ZSWIM7: variants seen among roughly 807,000 people sequenced by gnomAD.
ZSWIM7 encodes zinc finger SWIM domain-containing protein 7.
Under a neutral mutation model 21.1 loss-of-function variants are expected in ZSWIM7, and 22 were observed. The observed-to-expected ratio is 1.04, with a 90% CI of 0.74 to 1.49. The LOEUF (loss-of-function observed/expected upper bound fraction) is 1.49, where lower values mean the gene tolerates loss of function less well. Ranked by LOEUF, ZSWIM7 falls within the 40% of genes most tolerant of loss-of-function variation. The probability of loss-of-function intolerance (pLI) is 0.00; values close to 1 mark genes in which losing one functional copy is unlikely to be tolerated. For missense variants in ZSWIM7, 193 were observed against 168.0 expected (o/e 1.15, Z -0.82); for synonymous variants, 67 against 66.5 (o/e 1.01, Z -0.04).
At chr17:15,995,575 TAA>T (rs550832963) in intron 1 of ZSWIM7, among the ~76,000 whole-genome samples, 16 of 100,228 alleles carry the variant, frequency 1.6e-4, no homozygotes, top group East Asian at 5.5e-4. Context: ...CCCTGTCTCT[TAA>T]AAAAAAAAAA....
At chr17:15,985,132 C>T (rs1365295095) in intron 3 of ZSWIM7, among the ~76,000 whole-genome samples, 2 of 151,956 alleles carry the variant, frequency 1.3e-5, no homozygotes, top group African/African-American at 4.8e-5. Context: ...GGTGAAACCC[C>T]ATCTCTACTA....
chr17:15,981,224 CAG>C (rs1970351511), intron 3 of ZSWIM7, 80 bp from the exon 4 acceptor site: 8 of 1,002,208 alleles, frequency 8.0e-6, no homozygotes, highest in Middle Eastern at 2.2e-4. Context: ...TATGTAGACT[CAG>C]AGTTGCTCTG....
chr17:15,984,872 C>T (rs2151623299), intron 3 of ZSWIM7, among the ~76,000 whole-genome samples: 1 of 152,342 alleles, frequency 6.6e-6, no homozygotes, highest in Middle Eastern at 3.4e-3. Context: ...AGAGCTACAG[C>T]TGGCTCCTGG....
At chr17:15,986,363 A>C (rs1970410654) in intron 3 of ZSWIM7, among the ~76,000 whole-genome samples, 1 of 152,106 alleles carries the variant, frequency 6.6e-6, no homozygotes, top group South Asian at 2.1e-4. Context: ...TAGTTACAAA[A>C]ATTTCTGGAG....
At chr17:15,991,651 A>AT (rs1192304838) in intron 2 of ZSWIM7, among the ~76,000 whole-genome samples, 28 of 152,084 alleles carry the variant, frequency 1.8e-4, no homozygotes, top group Middle Eastern at 3.2e-3. Flanking sequence ...AAAGTAGTAC[A>AT]TTTTTTTCCA....
At chr17:15,979,762 C>T (rs1337660126) in intron 4 of ZSWIM7, among the ~76,000 whole-genome samples, 6 of 136,614 alleles carry the variant, frequency 4.4e-5, no homozygotes, top group Admixed American at 7.0e-5. Context: ...GCGCCCCTCA[C>T]CTCCCGGATG....
chr17:15,987,147 G>T, intron 3 of ZSWIM7, 119 bp downstream of exon 3: 1 of 726,628 alleles, frequency 1.4e-6, no homozygotes, highest in Non-Finnish European at 2.1e-6. Context: ...CCAAGTTGGG[G>T]CAAAAGCCTT....
intron 3 of ZSWIM7, 99 bp downstream of exon 3, chr17:15,987,167 C>T: frequency 1.0e-5 from 10 of 974,140 alleles, no homozygotes; most frequent in African/African-American, 3.3e-5. Context: ...TTTAACAGTC[C>T]AGGAAATATT....
At chr17:15,998,653 A>G (rs900187520) in intron 1 of ZSWIM7, among the ~76,000 whole-genome samples, 10 of 152,184 alleles carry the variant, frequency 6.6e-5, no homozygotes, top group Non-Finnish European at 1.2e-4. Context: ...GAGCATAGCC[A>G]AAGAGTACCC....
In ZSWIM7 at chr17:15,977,859, T is replaced by A. The variant is rs576216409; in HGVS notation, c.*188A>T. On this transcript the variant is annotated 3_prime_UTR_variant, in exon 5 of 5. Transcript: ENST00000399277. ...TGACAAGACTGTACAGGGCTTCTCA[T>A]CATACACAAACCCTCCACAGCCCAC... The A allele has an allele frequency of 3.4e-5, 19 of 556,080 alleles. No individual in the cohort carries two copies. The highest frequency in any genetic ancestry group is 2.3e-4 in the African/African-American group (12 of 53,036). The allele number at this position is 556,080 out of a possible 1,614,324, so 34.4% of individuals were successfully genotyped here. A position where few individuals can be genotyped will look rare whatever the true frequency, so the allele number is the denominator to read the frequency against.
In ZSWIM7 at chr17:15,977,979, T is replaced by C; in HGVS notation, c.*68A>G. 7.9e-7 allele frequency: 1 copy of C among 1,262,366 alleles called. No individual in the cohort carries two copies. The highest frequency in any genetic ancestry group is 1.2e-6 in the Non-Finnish European group (1 of 866,064). The allele number at this position is 1,262,366 out of a possible 1,614,324, so 78.2% of individuals were successfully genotyped here. On this transcript the variant is annotated 3_prime_UTR_variant, in exon 5 of 5. Coordinates refer to ENST00000399277, the MANE Select transcript of ZSWIM7 (RefSeq NM_001042697.2). ...CCATTTCACCTCTTTTCCATGTGAA[T>C]CATGACGCTTTCAATGCATTTCTTG... is the stretch of plus-strand genomic sequence containing the variant.
intron 4 of ZSWIM7, among the ~76,000 whole-genome samples, chr17:15,979,696 G>A (rs1212269579): frequency 2.8e-5 from 4 of 144,298 alleles, no homozygotes; most frequent in Non-Finnish European, 6.1e-5. Context: ...TCCCGAATGG[G>A]GCGGCTGGCC....
At chr17:15,993,966 T>C (rs1970516279) in intron 1 of ZSWIM7, 188 bp from the exon 2 acceptor site, 1 of 493,384 alleles carries the variant, frequency 2.0e-6, no homozygotes, top group Non-Finnish European at 3.7e-6. Context: ...TTTCTTTTTT[T>C]GAGACGGAGT....
At position 15,999,502 on chromosome 17, in the gene ZSWIM7, C is replaced by G. The variant is rs60636875; in HGVS notation, c.76+17G>C. On this transcript the variant is annotated intron_variant, in intron 1 of 4. Coordinates refer to ENST00000399277, the MANE Select transcript of ZSWIM7 (RefSeq NM_001042697.2). ...CCCGCGCCCATGGCGCAGCCACACA[C>G]GACCTCGGTCCCGTACTTCGCGCGC... The G allele has an allele frequency of 1.3e-6, 2 of 1,596,824 alleles. No homozygotes were observed. Among genetic ancestry groups the G allele is most frequent in the Non-Finnish European group, 1.7e-6 (2 of 1,177,710 alleles).
chr17:15,987,345 G>C lies in ZSWIM7; in HGVS notation c.122C>G (p.Ser41Ter), dbSNP rs1970425924. Residue 41 changes from serine to a stop codon, truncating the protein, a stop_gained, in exon 3 of 5, where the codon TCA becomes TGA. Transcript: ENST00000399277. LOFTEE classifies it high-confidence loss of function. ...AACTAGGTCCAAGGCCTGGGTGGCT[G>C]ATGAGCCAAAGAGAAACTTCAGCCT... ...LLSLKFLFGSSATQALDLVDR... is the reference protein window; with the variant it reads ...LLSLKFLFGS The C allele has an allele frequency of 6.2e-7, 1 of 1,613,162 alleles. No homozygotes were observed. Among genetic ancestry groups the C allele is most frequent in the Non-Finnish European group, 8.5e-7 (1 of 1,179,654 alleles).
At chr17:15,991,227 A>G (rs1426775472) in intron 2 of ZSWIM7, 1 of 146,000 alleles carries the variant, frequency 6.8e-6, no homozygotes, top group African/African-American at 2.7e-5. Context: ...TTCTACTGTA[A>G]AGATGAATCA....
At chr17:15,990,663 G>C (rs573872190) in intron 2 of ZSWIM7, among the ~76,000 whole-genome samples, 1 of 152,112 alleles carries the variant, frequency 6.6e-6, no homozygotes, top group African/African-American at 2.4e-5. Flanking sequence ...ACCTAGTAAG[G>C]CTTCAAAATT....
chr17:15,979,379 T>C (rs1233726288), intron 4 of ZSWIM7, among the ~76,000 whole-genome samples: 1 of 152,226 alleles, frequency 6.6e-6, no homozygotes, highest in Non-Finnish European at 1.5e-5. Flanking sequence ...AAGTCTCCCA[T>C]GTCTACTTCT....
intron 3 of ZSWIM7, among the ~76,000 whole-genome samples, chr17:15,984,430 A>T (rs1970387716): frequency 6.6e-6 from 1 of 152,226 alleles, no homozygotes. Context: ...AGCTTTTTAA[A>T]AAAGGAACAT....
Sources: allele counts gnomAD v4.1 joint callset (sites outside exome capture counted in the v4.1 genomes callset), GRCh38; gene constraint gnomAD v4.1.1; transcripts MANE v1.5; gene names NCBI Gene and HGNC (gene_info 2026-07-23, HGNC 2026-07-21).